LRRN2: variants seen among roughly 807,000 people sequenced by gnomAD.
LRRN2 encodes the protein leucine rich repeat neuronal 2.
In LRRN2, 10 loss-of-function variants were observed where a neutral mutation model predicts 35.7. The ratio of observed to expected loss-of-function variants is 0.28; its 90% CI spans 0.17 to 0.47. The LOEUF (loss-of-function observed/expected upper bound fraction) is 0.47, where lower values mean the gene tolerates loss of function less well. Ranked by LOEUF, LRRN2 falls within the 20% of genes least tolerant of loss-of-function variation. The pLI, the probability that LRRN2 is intolerant of heterozygous loss-of-function variation, is 0.99. For missense variants in LRRN2, 731 were observed against 940.3 expected (o/e 0.78, Z 2.91); for synonymous variants, 391 against 409.6 (o/e 0.95, Z 0.55).
rs563535785 is a variant in LRRN2 at position 204,620,214 on chromosome 1, C to T, written c.-222G>A. The T allele has an allele frequency of 2.5e-5, 36 of 1,439,860 alleles. No homozygotes were observed. In the South Asian group the frequency reaches 5.2e-4, roughly 21 times the overall value. 89.2% of individuals were successfully genotyped at this position (1,439,860 alleles called of 1,614,324 possible). A position where few individuals can be genotyped will look rare whatever the true frequency, so the allele number is the denominator to read the frequency against. The stretch of plus-strand genomic sequence containing the variant: ...AGTCATTGCCAGGCCCCATCAGGGG[C>T]AGCCCTGGAAGAAGAGGATGCAGAG... On this transcript the variant is annotated 5_prime_UTR_variant, in exon 2 of 2. Transcript: ENST00000367177.
chr1:204,640,352 A>C (rs1032009863), intron 1 of LRRN2, among the ~76,000 whole-genome samples: 4 of 152,166 alleles, frequency 2.6e-5, no homozygotes, highest in Non-Finnish European at 5.9e-5. Flanking sequence ...TAACATCATC[A>C]CACTGAGGGG....
At chr1:204,648,768 T>C (rs1324313665) in intron 1 of LRRN2, among the ~76,000 whole-genome samples, 1 of 152,210 alleles carries the variant, frequency 6.6e-6, no homozygotes. Flanking sequence ...CCACACAGTC[T>C]AGTGGTTTTG....
At chr1:204,634,004 G>A (rs1391455735) in intron 1 of LRRN2, among the ~76,000 whole-genome samples, 1 of 152,246 alleles carries the variant, frequency 6.6e-6, no homozygotes, top group East Asian at 1.9e-4. Flanking sequence ...CCCCAAGCCT[G>A]TGGAAGGAAA....
At chr1:204,681,260 T>G (rs759566036) in intron 1 of LRRN2, among the ~76,000 whole-genome samples, 7 of 152,208 alleles carry the variant, frequency 4.6e-5, no homozygotes, top group African/African-American at 7.2e-5. Context: ...GAGAGTCGCC[T>G]TTTTATCTGC....
At chr1:204,641,013 A>AC (rs1553347549) in intron 1 of LRRN2, among the ~76,000 whole-genome samples, 3 of 151,780 alleles carry the variant, frequency 2.0e-5, no homozygotes, top group Admixed American at 6.6e-5. Flanking sequence ...AAGAAAAAAA[A>AC]AAAACAAAAA....
At chr1:204,642,316 T>A (rs1208410330) in intron 1 of LRRN2, among the ~76,000 whole-genome samples, 1 of 152,252 alleles carries the variant, frequency 6.6e-6, no homozygotes, top group East Asian at 1.9e-4. Context: ...GTCACATCCC[T>A]GGGACTGGGA....
intron 1 of LRRN2, among the ~76,000 whole-genome samples, chr1:204,646,870 G>A (rs1318578258): frequency 6.6e-6 from 1 of 152,120 alleles, no homozygotes; most frequent in African/African-American, 2.4e-5. Context: ...AAAGACTTAG[G>A]TTCAAATCCC....
At chr1:204,683,269 G>A (rs368344467) in intron 1 of LRRN2, among the ~76,000 whole-genome samples, 178 of 152,338 alleles carry the variant, frequency 1.2e-3, no homozygotes, top group Middle Eastern at 6.8e-3. Context: ...GCAGGAGTGC[G>A]TGCACGCCTG....
At chr1:204,671,395 TTGTGTGTTTGTGTGTG>T (rs1386194637) in intron 1 of LRRN2, among the ~76,000 whole-genome samples, 147 of 141,526 alleles carry the variant, frequency 1.0e-3, no homozygotes, top group Non-Finnish European at 1.7e-3. Flanking sequence ...AGCAATCTGT[TTGTGTGTTTGTGTGTG>T]TGTGTGTGTG....
At chr1:204,636,245 C>T (rs1165431432) in intron 1 of LRRN2, among the ~76,000 whole-genome samples, 1 of 152,164 alleles carries the variant, frequency 6.6e-6, no homozygotes, top group Non-Finnish European at 1.5e-5. Context: ...GACGCGGCTT[C>T]TGTAATTGGT....
intron 1 of LRRN2, chr1:204,627,080 A>G (rs896947530): frequency 5.3e-5 from 8 of 152,182 alleles, no homozygotes; most frequent in Non-Finnish European, 1.0e-4. Flanking sequence ...CAGAAAGCAA[A>G]GTCTCAGAGG....
At chr1:204,670,039 A>G (rs1400391861) in intron 1 of LRRN2, among the ~76,000 whole-genome samples, 1 of 151,748 alleles carries the variant, frequency 6.6e-6, no homozygotes, top group African/African-American at 2.4e-5. Context: ...TTTTTCTGAC[A>G]CTTTCTTTTC....
chr1:204,638,438 G>C (rs538876574), intron 1 of LRRN2, among the ~76,000 whole-genome samples: 1 of 74,828 alleles, frequency 1.3e-5, no homozygotes, highest in South Asian at 4.6e-4. Flanking sequence ...TTGAGACGGA[G>C]TCTCGCTCTG....
At position 204,679,368 on chromosome 1, in the gene LRRN2, G is replaced by A. The variant is rs116570663; in HGVS notation, c.-227+5952C>T. Reference sequence around the variant, plus strand: ...AAAGACAGATACTTTCATCGACCACGTTTGAATGCTTATTTTGAGAACATT... The same window carrying A: ...AAAGACAGATACTTTCATCGACCACATTTGAATGCTTATTTTGAGAACATT... On this transcript the variant is annotated intron_variant, in intron 1 of 1. Transcript: ENST00000367177. Among the ~76,000 whole-genome samples, 1,381 of 152,288 alleles carry A rather than the reference G, an allele frequency of 9.1e-3. 14 individuals carry two copies. The highest frequency in any genetic ancestry group is 0.014 in the Non-Finnish European group (943 of 68,030).
chr1:204,619,104 C>T lies in LRRN2; in HGVS notation c.889G>A (p.Glu297Lys), dbSNP rs1228152118. Residue 297 changes from glutamate (E) to lysine (K), a missense_variant, in exon 2 of 2, where the codon GAG (glutamate) becomes AAG (lysine). Glu to Lys is a moderately conservative substitution (Grantham distance 56). Coordinates refer to ENST00000367177, the MANE Select transcript of LRRN2 (RefSeq NM_201630.2). The part of the protein sequence containing the change: ...LKELGLNNME[E>K]LVSIDKFALV... ...GCAAACTTGTCGATGGAGACCAGCT[C>T]CTCCATGTTGTTCAGTCCCAGCTCC... The T allele has an allele frequency of 1.2e-6, 2 of 1,610,338 alleles. No homozygotes were observed. The highest frequency in any genetic ancestry group is 1.7e-6 in the Non-Finnish European group (2 of 1,177,716).
At chr1:204,671,395 T>TGTGTGTGTGTGTG (rs1558422408) in intron 1 of LRRN2, among the ~76,000 whole-genome samples, 12 of 141,538 alleles carry the variant, frequency 8.5e-5, no homozygotes, top group Admixed American at 3.4e-4. Context: ...AGCAATCTGT[T>TGTGTGTGTGTGTG]TGTGTGTTTG....
intron 1 of LRRN2, among the ~76,000 whole-genome samples, chr1:204,655,556 A>G (rs1383698458): frequency 1.3e-5 from 2 of 152,162 alleles, no homozygotes; most frequent in East Asian, 3.9e-4. Flanking sequence ...TAGGCCTCCC[A>G]AAGTGCTGGG....
chr1:204,675,169 G>C (rs974457118), intron 1 of LRRN2, among the ~76,000 whole-genome samples: 4 of 152,114 alleles, frequency 2.6e-5, no homozygotes, highest in Non-Finnish European at 5.9e-5. Context: ...TTCAAACCAG[G>C]CTTCTCGGAG....
chr1:204,685,719 C>T lies in LRRN2; in HGVS notation c.-626G>A, dbSNP rs1669058056. The stretch of plus-strand genomic sequence containing the variant: ...TCGCGCTCGCCCTCCTCACTCGCTT[C>T]TCCGCCGCTCTCCCAACCTCCCCAG... On this transcript the variant is annotated 5_prime_UTR_variant, in exon 1 of 2. Coordinates refer to ENST00000367177, the MANE Select transcript of LRRN2 (RefSeq NM_201630.2). The T allele has an allele frequency of 6.6e-6, 1 of 152,384 alleles. No individual in the cohort carries two copies. The highest frequency in any genetic ancestry group is 1.5e-5 in the Non-Finnish European group (1 of 68,192). The allele number at this position is 152,384 out of a possible 1,614,324, so 9.4% of individuals were successfully genotyped here.
Sources: allele counts gnomAD v4.1 joint callset (sites outside exome capture counted in the v4.1 genomes callset), GRCh38; gene constraint gnomAD v4.1.1; transcripts MANE v1.5; gene names NCBI Gene and HGNC (gene_info 2026-07-23, HGNC 2026-07-21).